Variants in PDZD8 observed in about 807,000 individuals in gnomAD.
PDZD8 encodes the protein PDZ domain containing 8.
A neutral mutation model predicts 85.8 loss-of-function variants in PDZD8; 14 were observed. The observed-to-expected ratio is 0.16, with a 90% CI of 0.11 to 0.26. The LOEUF is 0.26. Ranked by LOEUF, PDZD8 falls within the 10% of genes least tolerant of loss-of-function variation. The probability of loss-of-function intolerance (pLI) is 1.00; values close to 1 mark genes in which losing one functional copy is unlikely to be tolerated. For missense variants in PDZD8, 1,197 were observed against 1,424.3 expected (o/e 0.84, Z 2.57); for synonymous variants, 592 against 568.6 (o/e 1.04, Z -0.59).
At chr10:117,291,507 C>A (rs1485810610) in intron 3 of PDZD8, among the ~76,000 whole-genome samples, 1 of 138,726 alleles carries the variant, frequency 7.2e-6, no homozygotes, top group African/African-American at 2.7e-5. Flanking sequence ...CCAGCCCGGG[C>A]AACAAAGCGA....
chr10:117,292,663 T>A (rs1356118727), intron 3 of PDZD8, among the ~76,000 whole-genome samples: 4 of 152,018 alleles, frequency 2.6e-5, no homozygotes, highest in Admixed American at 6.6e-5. Flanking sequence ...GAGGCTAGTG[T>A]AAGGTGTTAG....
Position 117,290,506 on chromosome 10 carries a change from T to C in PDZD8, c.1099-158A>G, listed in dbSNP as rs564333895. Among the ~76,000 whole-genome samples the C allele has an allele frequency of 1.2e-4, 18 of 152,284 alleles. No individual in the cohort carries two copies. In the East Asian group the frequency reaches 3.5e-3, roughly 29 times the overall value. On this transcript the variant is annotated intron_variant, in intron 3 of 4. Coordinates refer to ENST00000334464, the MANE Select transcript of PDZD8 (RefSeq NM_173791.5). ...AAGGAGAAAATCTTTACTGTAACAA[T>C]ATAAATTAACTATCCTTAGGCTACA...
chr10:117,333,612 C>A (rs1224425726), intron 2 of PDZD8, among the ~76,000 whole-genome samples: 2 of 152,142 alleles, frequency 1.3e-5, no homozygotes, highest in Non-Finnish European at 2.9e-5. Context: ...GATTCATAGA[C>A]AAATGCAAAC....
intron 1 of PDZD8, among the ~76,000 whole-genome samples, chr10:117,350,939 C>T (rs917102065): frequency 6.7e-6 from 1 of 149,450 alleles, no homozygotes; most frequent in African/African-American, 2.5e-5. Context: ...TGCTTCTGAA[C>T]AGTCTAGCTT....
chr10:117,345,414 T>A (rs1844687586), intron 1 of PDZD8, among the ~76,000 whole-genome samples: 1 of 152,164 alleles, frequency 6.6e-6, no homozygotes, highest in African/African-American at 2.4e-5. Context: ...ACAATTTGAC[T>A]GGAATAGTTT....
Position 117,374,744 on chromosome 10 carries a change from G to A in PDZD8, c.484C>T (p.Leu162Phe). The A allele has an allele frequency of 6.2e-7, 1 of 1,612,222 alleles. No homozygotes were observed. Among genetic ancestry groups the A allele is most frequent in the Non-Finnish European group, 8.5e-7 (1 of 1,179,664 alleles). ...ETVPFIKTIR[L>F]VRPVVPSATG... ...GCCGAGGGCACGACTGGCCGCACGAGCCGGATGGTCTTGATGAAGGGCACC... is the reference window on the plus strand; with the variant it reads ...GCCGAGGGCACGACTGGCCGCACGAACCGGATGGTCTTGATGAAGGGCACC... Residue 162 changes from leucine to phenylalanine, a missense_variant, in exon 1 of 5, where the codon CTC becomes TTC. Physicochemically the swap from Leu to Phe is conservative, Grantham distance 22 (BLOSUM62 0). Around this residue, in one of 4 missense-constraint regions of PDZD8, gnomAD observed 344 missense variants for 453.6 expected, o/e 0.76. Transcript: ENST00000334464. The surrounding 1 kb of genome is among the most constrained non-coding windows in gnomAD (Gnocchi z 7.8).
intron 1 of PDZD8, among the ~76,000 whole-genome samples, chr10:117,371,454 G>C (rs888125802): frequency 3.3e-5 from 5 of 152,164 alleles, no homozygotes; most frequent in African/African-American, 1.2e-4. Flanking sequence ...CAAAGTGCTG[G>C]GATCACAGGC....
chr10:117,370,155 A>C (rs1294279814), intron 1 of PDZD8, among the ~76,000 whole-genome samples: 1 of 152,238 alleles, frequency 6.6e-6, no homozygotes, highest in Non-Finnish European at 1.5e-5. Flanking sequence ...AAACCAATTA[A>C]CATTGAGGTG....
intron 2 of PDZD8, among the ~76,000 whole-genome samples, chr10:117,330,910 T>C (rs1446858033): frequency 8.5e-5 from 13 of 152,220 alleles, no homozygotes; most frequent in Admixed American, 2.6e-4. Flanking sequence ...TGGCTCTTTT[T>C]CCAATTACCT....
At chr10:117,350,810 A>G (rs529528525) in intron 1 of PDZD8, among the ~76,000 whole-genome samples, 7 of 150,298 alleles carry the variant, frequency 4.7e-5, no homozygotes, top group Non-Finnish European at 1.0e-4. Flanking sequence ...AGGCTGAGGC[A>G]GGAGAATGGC....
intron 3 of PDZD8, among the ~76,000 whole-genome samples, chr10:117,305,471 T>TAAAC (rs1843923793): frequency 1.4e-5 from 2 of 141,764 alleles, no homozygotes; most frequent in Non-Finnish European, 3.1e-5. Context: ...TACACACACA[T>TAAAC]ACACACACAC....
At position 117,325,845 on chromosome 10, in the gene PDZD8, A is replaced by C. The variant is rs556683451; in HGVS notation, c.996-6871T>G. 9.2e-5 allele frequency among the ~76,000 whole-genome samples: 14 copies of C among 152,198 alleles called. No homozygotes were observed. The South Asian group carries it at 2.7e-3, about 29-fold the overall frequency. ...CGGTTTGGCTCCGTTTCCCCACCCA[A>C]ATCTCACCTTGAACTGTAATCCCCA... On this transcript the variant is annotated intron_variant, in intron 2 of 4. Transcript: ENST00000334464.
Position 117,283,163 on chromosome 10 carries a change from G to T in PDZD8, c.*105C>A. On this transcript the variant is annotated 3_prime_UTR_variant, in exon 5 of 5. Transcript: ENST00000334464. ...TTGTTCTTACACAAGCAAGTAACTG[G>T]AGAAGCAGGCCAGAGTGCATACGAG... 8.7e-7 allele frequency: 1 copy of T among 1,145,446 alleles called. No individual in the cohort carries two copies. Among genetic ancestry groups the T allele is most frequent in the South Asian group, 1.7e-5 (1 of 57,272 alleles). 71.0% of individuals were successfully genotyped at this position (1,145,446 alleles called of 1,614,324 possible).
Position 117,283,303 on chromosome 10 carries a change from A to G in PDZD8, c.3430T>C (p.Ser1144Pro). The change falls in exon 5 of 5, where the codon TCA becomes CCA. Residue 1144 changes from serine (S) to proline (P), a missense_variant. Coordinates refer to ENST00000334464, the MANE Select transcript of PDZD8 (RefSeq NM_173791.5). ...TCGGATGGGCCAAATAAGTCATCTG[A>G]TATGCTGCTGAATGGCTGAGAGTCT... ...LIDSQPFSSI[S>P]DDLFGPSESV The G allele has an allele frequency of 6.2e-7, 1 of 1,613,226 alleles. No individual in the cohort carries two copies. The highest frequency in any genetic ancestry group is 8.5e-7 in the Non-Finnish European group (1 of 1,179,820).
intron 1 of PDZD8, among the ~76,000 whole-genome samples, chr10:117,352,707 G>A (rs4751621): frequency 0.099 from 15,003 of 152,230 alleles, 1,062 homozygotes; most frequent in East Asian, 0.34. Context: ...ACAAGGTATT[G>A]TAACCACCTG....
At chr10:117,370,792 A>G (rs986137499) in intron 1 of PDZD8, among the ~76,000 whole-genome samples, 1 of 91,112 alleles carries the variant, frequency 1.1e-5, no homozygotes, top group African/African-American at 5.8e-5. Flanking sequence ...CCAATTTAAG[A>G]AAAAAAAATC....
At position 117,314,855 on chromosome 10, in the gene PDZD8, T is replaced by G. The variant is rs188572210; in HGVS notation, c.1098+4017A>C. Among the ~76,000 whole-genome samples, 493 of 152,310 alleles carry G rather than the reference T, an allele frequency of 3.2e-3. 1 individual carries two copies. Among genetic ancestry groups the G allele is most frequent in the Middle Eastern group, 0.027 (8 of 294 alleles). ...GGATTTTCAACCTCGTGTCTCTAAT[T>G]GCAAAGGGAAATACTTGGTCTCTTA... On this transcript the variant is annotated intron_variant, in intron 3 of 4. Coordinates refer to ENST00000334464, the MANE Select transcript of PDZD8 (RefSeq NM_173791.5).
intron 4 of PDZD8, among the ~76,000 whole-genome samples, chr10:117,288,617 T>C (rs1487172921): frequency 6.6e-6 from 1 of 152,188 alleles, no homozygotes; most frequent in African/African-American, 2.4e-5. Context: ...CAAGCAATTC[T>C]CCTGCCTCAG....
chr10:117,303,305 CT>C (rs1843878894), intron 3 of PDZD8, among the ~76,000 whole-genome samples: 1 of 152,146 alleles, frequency 6.6e-6, no homozygotes, highest in Admixed American at 6.5e-5. Flanking sequence ...CATTTTACCC[CT>C]GCCCTAGAGA....
Sources: gnomAD v4.1 joint callset for allele counts (sites outside exome capture counted in the v4.1 genomes callset) on GRCh38, gnomAD v4.1.1 for gene constraint, gnomAD v4.1.1 regional missense constraint, Gnocchi (gnomAD v3.1) non-coding constraint, MANE v1.5 for transcripts, NCBI Gene and HGNC (gene_info 2026-07-23, HGNC 2026-07-21) for gene names.